The following SOAT1 variants were observed in gnomAD, a reference collection of about 807,000 sequenced individuals.
SOAT1 encodes the protein acyl-coenzyme A:cholesterol acyltransferase 1.
SOAT1 carries 55 observed loss-of-function variants against 69.5 expected under a neutral mutation model. The observed-to-expected ratio is 0.79, with a 90% CI of 0.64 to 0.99. The LOEUF (loss-of-function observed/expected upper bound fraction) is 0.99. Ranked by LOEUF, SOAT1 falls within the 50% of genes least tolerant of loss-of-function variation. The probability of loss-of-function intolerance (pLI) is 0.00; values close to 1 mark genes in which losing one functional copy is unlikely to be tolerated. For missense variants in SOAT1, 580 were observed against 669.3 expected, an observed-to-expected ratio of 0.87 and a Z score of 1.47; for synonymous variants, 231 against 224.7, an observed-to-expected ratio of 1.03 and a Z score of -0.25.
intron 3 of SOAT1, among the ~76,000 whole-genome samples, chr1:179,325,946 G>C (rs1468738454): frequency 6.6e-6 from 1 of 152,204 alleles, no homozygotes; most frequent in Non-Finnish European, 1.5e-5. Flanking sequence ...TAAGGGAAAA[G>C]CTGAAAGAAT....
At chr1:179,304,397 C>T (rs1301234277) in intron 2 of SOAT1, among the ~76,000 whole-genome samples, 1 of 151,898 alleles carries the variant, frequency 6.6e-6, no homozygotes, top group African/African-American at 2.4e-5. Context: ...CCTGCTTCAG[C>T]CTCCCAAGTA....
At chr1:179,325,658 T>C (rs1475667400) in intron 3 of SOAT1, among the ~76,000 whole-genome samples, 6 of 152,198 alleles carry the variant, frequency 3.9e-5, no homozygotes, top group African/African-American at 1.4e-4. Flanking sequence ...TAAGTCTGTC[T>C]CTGCTATCAT....
At chr1:179,315,392 A>T (rs565137983) in intron 2 of SOAT1, among the ~76,000 whole-genome samples, 1 of 152,080 alleles carries the variant, frequency 6.6e-6, no homozygotes, top group Non-Finnish European at 1.5e-5. Flanking sequence ...TGAGCCTAGG[A>T]GTTCCAGGCC....
At chr1:179,347,923 A>G (rs532062480) in intron 12 of SOAT1, among the ~76,000 whole-genome samples, 1 of 152,308 alleles carries the variant, frequency 6.6e-6, no homozygotes, top group East Asian at 1.9e-4. Context: ...ACATAAGCAC[A>G]TGGTTTCTGC....
chr1:179,345,070 T>C lies in SOAT1; in HGVS notation c.1111T>C (p.Leu371=). ...VLVLCVFNSI[L]PGVLILFLTF... ...GGTCCTATGTGTATTTAACTCCATCTTGCCAGGTAACATGGGTACTTGTTA... is the reference window on the plus strand; with the variant it reads ...GGTCCTATGTGTATTTAACTCCATCCTGCCAGGTAACATGGGTACTTGTTA... Residue 371 remains leucine (L), a synonymous_variant, in exon 11 of 16, where the codon TTG becomes CTG. Transcript: ENST00000367619. The C allele has an allele frequency of 1.2e-6, 2 of 1,613,960 alleles. No individual in the cohort carries two copies. Among genetic ancestry groups the C allele is most frequent in the Non-Finnish European group, 1.7e-6 (2 of 1,179,896 alleles).
chr1:179,347,617 C>A lies in SOAT1; in HGVS notation c.1135C>A (p.Leu379Ile), dbSNP rs1666578497. 6.2e-7 allele frequency: 1 copy of A among 1,610,606 alleles called. No individual in the cohort carries two copies. Among genetic ancestry groups the A allele is most frequent in the African/African-American group, 1.3e-5 (1 of 74,752 alleles). Residue 379 changes from leucine to isoleucine, a missense_variant, in exon 12 of 16, where the codon CTT (leucine) becomes ATT (isoleucine). Leu to Ile is a conservative substitution (Grantham distance 5). Coordinates refer to ENST00000367619, the MANE Select transcript of SOAT1 (RefSeq NM_003101.6). ...ATTTTTAGGTGTGCTGATTCTCTTC[C>A]TTACTTTTTTTGCCTTTTTGCACTG... is the stretch of plus-strand genomic sequence containing the variant. The part of the protein sequence containing the change: ...SILPGVLILF[L>I]TFFAFLHCWL...
Position 179,356,541 on chromosome 1 carries a change from G to A in SOAT1, c.*2900G>A, listed in dbSNP as rs1481975144. The A allele has an allele frequency of 2.3e-5, 3 of 128,204 alleles. No homozygotes were observed. Among genetic ancestry groups the A allele is most frequent in the South Asian group, 2.6e-4 (1 of 3,854 alleles). 7.9% of individuals were successfully genotyped at this position (128,204 alleles called of 1,614,324 possible). A position where few individuals can be genotyped will look rare whatever the true frequency, so the allele number is the denominator to read the frequency against. On this transcript the variant is annotated 3_prime_UTR_variant, in exon 16 of 16. Transcript: ENST00000367619. ...AGGCCAGTTTTTTTTTTCTTGTACA[G>A]ATGGGGTTTTACCATGTTGCTCAGG...
chr1:179,308,273 G>A (rs1238983492), intron 2 of SOAT1, among the ~76,000 whole-genome samples: 2 of 152,128 alleles, frequency 1.3e-5, no homozygotes, highest in African/African-American at 2.4e-5. Context: ...ACAATTTAGT[G>A]GTAATAAGGC....
At chr1:179,319,704 C>T (rs1031742312) in intron 2 of SOAT1, among the ~76,000 whole-genome samples, 4 of 152,182 alleles carry the variant, frequency 2.6e-5, no homozygotes, top group African/African-American at 9.7e-5. Context: ...GCAACTTCTG[C>T]TTCATAGGTT....
intron 3 of SOAT1, among the ~76,000 whole-genome samples, chr1:179,323,777 G>A (rs1443494032): frequency 1.3e-5 from 2 of 152,158 alleles, no homozygotes; most frequent in Non-Finnish European, 2.9e-5. Context: ...TTGAATGTCT[G>A]TATGAGTGCT....
In SOAT1 at chr1:179,356,326, G is replaced by A. The variant is rs963713740; in HGVS notation, c.*2685G>A. 2.6e-5 allele frequency: 4 copies of A among 152,010 alleles called. No homozygotes were observed. The highest frequency in any genetic ancestry group is 6.6e-5 in the Admixed American group (1 of 15,256). 9.4% of individuals were successfully genotyped at this position (152,010 alleles called of 1,614,324 possible). On this transcript the variant is annotated 3_prime_UTR_variant, in exon 16 of 16. Transcript: ENST00000367619. ...TACCTTTATGTGTGAGGATAAATTTGTTAGATCCTTTTATTCTCAATCTTG... is the reference window on the plus strand; with the variant it reads ...TACCTTTATGTGTGAGGATAAATTTATTAGATCCTTTTATTCTCAATCTTG...
chr1:179,350,449 C>G lies in SOAT1; in HGVS notation c.1450+18C>G, dbSNP rs1666686318. On this transcript the variant is annotated intron_variant, in intron 14 of 15. Transcript: ENST00000367619. ...CTTTGGAAGTAAGTATCTTGGTATG[C>G]TGTGAGTACTGGGTACTATGCTAAA... 1.2e-6 allele frequency: 2 copies of G among 1,610,296 alleles called. No homozygotes were observed. The highest frequency in any genetic ancestry group is 8.5e-7 in the Non-Finnish European group (1 of 1,178,586).
intron 2 of SOAT1, 58 bp downstream of exon 2, chr1:179,302,860 TTATAGAATAAG>T: frequency 1.1e-6 from 1 of 893,344 alleles, no homozygotes. Context: ...AAATACAGTG[TTATAGAATAAG>T]TATTGCCATC....
At chr1:179,343,390 G>A (rs12691483) in intron 9 of SOAT1, among the ~76,000 whole-genome samples, 200 bp from the exon 10 acceptor site, 63,338 of 151,196 alleles carry the variant, frequency 0.42, 13,368 homozygotes, top group African/African-American at 0.48. Flanking sequence ...ACGCCCGGTT[G>A]GTTTTTTTGT....
intron 10 of SOAT1, 25 bp from the exon 11 acceptor site, chr1:179,344,922 T>C (rs774396907): frequency 1.2e-6 from 2 of 1,612,986 alleles, no homozygotes; most frequent in Non-Finnish European, 8.5e-7. Context: ...ATCGTTATTA[T>C]AATTCTGTCT....
intron 2 of SOAT1, among the ~76,000 whole-genome samples, chr1:179,307,290 A>G (rs895372042): frequency 3.9e-5 from 6 of 152,230 alleles, no homozygotes; most frequent in Non-Finnish European, 8.8e-5. Context: ...TGTAGATGCA[A>G]CTTCATCAAG....
chr1:179,330,256 C>T (rs1042538661), intron 3 of SOAT1, among the ~76,000 whole-genome samples: 13 of 152,152 alleles, frequency 8.5e-5, no homozygotes, highest in Admixed American at 3.3e-4. Flanking sequence ...AGTTCTCATG[C>T]GCAGAGTCAG....
intron 3 of SOAT1, among the ~76,000 whole-genome samples, chr1:179,331,613 G>A (rs1251704688): frequency 6.6e-6 from 1 of 152,080 alleles, no homozygotes; most frequent in Non-Finnish European, 1.5e-5. Context: ...AAGATACATC[G>A]TTTAAAATCA....
chr1:179,348,716 A>G, intron 12 of SOAT1, 128 bp from the exon 13 acceptor site: 1 of 622,772 alleles, frequency 1.6e-6, no homozygotes, highest in Non-Finnish European at 2.9e-6. Context: ...TTTTTCTGTT[A>G]CATATGTTCT....
Sources: allele counts gnomAD v4.1 joint callset (sites outside exome capture counted in the v4.1 genomes callset), GRCh38; gene constraint gnomAD v4.1.1; transcripts MANE v1.5; gene names NCBI Gene and HGNC (gene_info 2026-07-23, HGNC 2026-07-21).